CTNNA2: variants seen among roughly 807,000 people sequenced by gnomAD.
The protein encoded by CTNNA2 is catenin alpha-2.
CTNNA2 carries 42 observed loss-of-function variants against 101.0 expected under a neutral mutation model. The ratio of observed to expected loss-of-function variants is 0.42; its 90% CI spans 0.32 to 0.54. The LOEUF is 0.54. CTNNA2 is among the 20% of genes least tolerant of loss of function. CTNNA2 has a pLI of 0.14. For missense variants in CTNNA2, 871 were observed against 1,223.1 expected (o/e 0.71, Z 4.29); for synonymous variants, 450 against 456.4 (o/e 0.99, Z 0.18).
At chr2:79,482,741 A>C (rs1233137650) in intron 4 of CTNNA2, among the ~76,000 whole-genome samples, 1 of 152,150 alleles carries the variant, frequency 6.6e-6, no homozygotes, top group Non-Finnish European at 1.5e-5. Flanking sequence ...TGCCAAGAGA[A>C]CTGCAGACAG....
At chr2:79,370,720 T>A (rs2104454425) in intron 3 of CTNNA2, among the ~76,000 whole-genome samples, 1 of 152,206 alleles carries the variant, frequency 6.6e-6, no homozygotes, top group Non-Finnish European at 1.5e-5. Context: ...AACAAAACAC[T>A]GTGCTTCATT....
At chr2:80,152,253 G>A (rs561930309) in intron 7 of CTNNA2, among the ~76,000 whole-genome samples, 5 of 152,072 alleles carry the variant, frequency 3.3e-5, no homozygotes, top group African/African-American at 9.6e-5. Flanking sequence ...CCTCTAAGTG[G>A]ATGGAATAGG....
chr2:79,454,470 C>A (rs996597012), intron 4 of CTNNA2, among the ~76,000 whole-genome samples: 3 of 152,022 alleles, frequency 2.0e-5, no homozygotes, highest in East Asian at 1.9e-4. Flanking sequence ...ATTAATGGCA[C>A]AAAATGTTGG....
chr2:80,524,332 T>C (rs1488637526), intron 9 of CTNNA2, among the ~76,000 whole-genome samples: 2 of 152,154 alleles, frequency 1.3e-5, no homozygotes, highest in East Asian at 3.9e-4. Flanking sequence ...GAATATATAA[T>C]AGTGGGTGTA....
At chr2:80,588,764 C>G (rs1008271849) in intron 14 of CTNNA2, among the ~76,000 whole-genome samples, 1 of 152,090 alleles carries the variant, frequency 6.6e-6, no homozygotes. Context: ...CTGGAGTGCC[C>G]TGGGCAGGGG....
intron 2 of CTNNA2, among the ~76,000 whole-genome samples, chr2:79,220,942 A>C (rs1173708225): frequency 6.6e-6 from 1 of 152,216 alleles, no homozygotes; most frequent in Non-Finnish European, 1.5e-5. Context: ...AGAAATAAAC[A>C]AGCAATAAAC....
chr2:79,232,725 G>A (rs960454336), intron 2 of CTNNA2, among the ~76,000 whole-genome samples: 1 of 152,016 alleles, frequency 6.6e-6, no homozygotes, highest in African/African-American at 2.4e-5. Flanking sequence ...AACTTGTTAC[G>A]GGTCTTTTCA....
rs187520051 is a variant in CTNNA2 at position 79,949,397 on chromosome 2, T to C, written c.1056+39600T>C. Reference sequence around the variant, plus strand: ...AGAAAATGTTAACTTTGTACATATGTTATGTGGAAGACCATTTTAACTTTC... The same window carrying C: ...AGAAAATGTTAACTTTGTACATATGCTATGTGGAAGACCATTTTAACTTTC... On this transcript the variant is annotated intron_variant, in intron 7 of 18. Transcript: ENST00000402739. Among the ~76,000 whole-genome samples, 5 of 152,312 alleles carry C rather than the reference T, an allele frequency of 3.3e-5. No homozygotes were observed. The East Asian group carries it at 7.7e-4, about 24-fold the overall frequency.
chr2:79,919,806 A>T (rs909050910), intron 7 of CTNNA2, among the ~76,000 whole-genome samples: 2 of 152,178 alleles, frequency 1.3e-5, no homozygotes, highest in African/African-American at 4.8e-5. Context: ...CTCAGGTTCA[A>T]TGCGGCCTTG....
intron 2 of CTNNA2, among the ~76,000 whole-genome samples, chr2:79,296,896 T>C (rs563923877): frequency 7.2e-4 from 110 of 152,264 alleles, no homozygotes; most frequent in African/African-American, 2.5e-3. Flanking sequence ...GTCTTCTTAA[T>C]TGGGGTCTGC....
intron 3 of CTNNA2, among the ~76,000 whole-genome samples, chr2:79,818,980 T>G (rs1470182247): frequency 5.9e-5 from 5 of 85,126 alleles, no homozygotes; most frequent in Admixed American, 5.6e-4. Flanking sequence ...TTCTTTTTCT[T>G]TTTTTTTTTT....
rs567131551 is a variant in CTNNA2 at position 80,591,457 on chromosome 2, G to GTTTTTTTTTTTT, written c.2189+1982_2189+1993dup. ...ATTGCTGCCTCCATCTGCACAGCCT[G>GTTTTTTTTTTTT]TTTTTTTTTTTTTTTTTTTTTGCAA... On this transcript the variant is annotated intron_variant, in intron 15 of 18. Coordinates refer to ENST00000402739, the MANE Select transcript of CTNNA2 (RefSeq NM_001282597.3). Among the ~76,000 whole-genome samples, 334 of 70,296 alleles carry GTTTTTTTTTTTT rather than the reference G, an allele frequency of 4.8e-3. 39 individuals carry two copies. Among genetic ancestry groups the GTTTTTTTTTTTT allele is most frequent in the African/African-American group, 0.012 (267 of 21,912 alleles). 46.1% of individuals were successfully genotyped at this position (70,296 alleles called of 152,430 possible).
chr2:79,231,107 G>C (rs889348362), intron 2 of CTNNA2, among the ~76,000 whole-genome samples: 4 of 152,156 alleles, frequency 2.6e-5, no homozygotes, highest in African/African-American at 7.2e-5. Context: ...TTGGGGGACT[G>C]TTGGGAAGGC....
At position 79,850,071 on chromosome 2, in the gene CTNNA2, C is replaced by T. The variant is rs905620303; in HGVS notation, c.299-7942C>T. 5.3e-5 allele frequency among the ~76,000 whole-genome samples: 8 copies of T among 152,230 alleles called. No homozygotes were observed. The East Asian group carries it at 1.5e-3, about 29-fold the overall frequency. ...CATGCACAGGGAGTCACAAATCATC[C>T]CTAACATGTGACAATAAGGAGTGGT... On this transcript the variant is annotated intron_variant, in intron 3 of 18. Coordinates refer to ENST00000402739, the MANE Select transcript of CTNNA2 (RefSeq NM_001282597.3).
intron 14 of CTNNA2, among the ~76,000 whole-genome samples, chr2:80,585,235 G>T (rs2149726376): frequency 6.6e-6 from 1 of 152,226 alleles, no homozygotes; most frequent in African/African-American, 2.4e-5. Flanking sequence ...TTGAAGAATG[G>T]ATTCAGTGCT....
chr2:79,649,411 T>C (rs1301314044), intron 1 of CTNNA2: 1 of 154,740 alleles, frequency 6.5e-6, no homozygotes, highest in Non-Finnish European at 1.5e-5. Context: ...GTGATTCCAT[T>C]AGAGTTTGAA....
At chr2:79,860,472 C>T (rs1681507401) in intron 4 of CTNNA2, among the ~76,000 whole-genome samples, 1 of 151,014 alleles carries the variant, frequency 6.6e-6, no homozygotes, top group Non-Finnish European at 1.5e-5. Context: ...GTGCTGTTGG[C>T]TCATCAGATC....
At chr2:79,874,472 A>T in intron 6 of CTNNA2, 130 bp downstream of exon 6, 1 of 1,063,008 alleles carries the variant, frequency 9.4e-7, no homozygotes. Context: ...TAATAGTAAG[A>T]TAAACTACAT....
chr2:80,311,160 G>A (rs1343505430), intron 7 of CTNNA2, among the ~76,000 whole-genome samples: 1 of 151,234 alleles, frequency 6.6e-6, no homozygotes, highest in Non-Finnish European at 1.5e-5. Flanking sequence ...AAAATTTACT[G>A]TGATTAATAT....
Sources: allele counts gnomAD v4.1 joint callset (sites outside exome capture counted in the v4.1 genomes callset), GRCh38; gene constraint gnomAD v4.1.1; transcripts MANE v1.5; gene names NCBI Gene and HGNC (gene_info 2026-07-23, HGNC 2026-07-21).